Variants in GNB4 observed in about 807,000 individuals in gnomAD.
GNB4 encodes G protein subunit beta 4, also known as guanine nucleotide-binding protein subunit beta-4.
In GNB4, 28 loss-of-function variants were observed where a neutral mutation model predicts 45.2. The observed-to-expected ratio is 0.62, with a 90% CI of 0.46 to 0.85. GNB4 has a LOEUF of 0.85. GNB4 is among the 40% of genes least tolerant of loss of function. GNB4 has a pLI of 0.00. For synonymous variants in GNB4, 132 were observed against 143.7 expected, an observed-to-expected ratio of 0.92 and a Z score of 0.58; for missense variants, 321 against 425.4, an observed-to-expected ratio of 0.75 and a Z score of 2.16.
At chr3:179,489,622 C>G in the GNB4 span, among the ~76,000 whole-genome samples, 11 of 151,954 alleles carry the variant, frequency 7.2e-5, no homozygotes, top group African/African-American at 2.7e-4. Flanking sequence ...GCCTGGGTGA[C>G]AAAGTGAGAC....
chr3:179,405,362 G>A lies in GNB4; in HGVS notation c.744C>T (p.Ala248=), dbSNP rs1207477015. 1.2e-6 allele frequency: 2 copies of A among 1,613,868 alleles called. No individual in the cohort carries two copies. The highest frequency in any genetic ancestry group is 1.7e-6 in the Non-Finnish European group (2 of 1,179,816). Residue 248 remains alanine (A), a synonymous_variant, in exon 9 of 10, where the codon GCC becomes GCT. Coordinates refer to ENST00000232564, the MANE Select transcript of GNB4 (RefSeq NM_021629.4). The stretch of plus-strand genomic sequence containing the variant: ...CACGAAGGTCAAAGAGCCGGCAAGT[G>A]GCATCATCAGAGCCAGTGGCGAAGG... ...GYAFATGSDD[A]TCRLFDLRAD... is the part of the protein sequence containing the mutation.
At chr3:179,492,482 G>A in the GNB4 span, among the ~76,000 whole-genome samples, 12 of 152,132 alleles carry the variant, frequency 7.9e-5, no homozygotes, top group South Asian at 6.2e-4. Flanking sequence ...CCCAGGGCCC[G>A]AGCAGCCCTG....
chr3:179,472,421 G>T, the GNB4 span, among the ~76,000 whole-genome samples: 2 of 139,468 alleles, frequency 1.4e-5, no homozygotes, highest in African/African-American at 5.4e-5. Context: ...GTCCAGGCTG[G>T]AATGCAGTGG....
At position 179,426,246 on chromosome 3, in the gene GNB4, T is replaced by C; in HGVS notation, c.-42-4A>G. 1 of 1,400,000 alleles carries C rather than the reference T, an allele frequency of 7.1e-7. No homozygotes were observed. The highest frequency in any genetic ancestry group is 1.3e-5 in the South Asian group (1 of 79,020). The allele number at this position is 1,400,000 out of a possible 1,614,324, so 86.7% of individuals were successfully genotyped here. A position where few individuals can be genotyped will look rare whatever the true frequency, so the allele number is the denominator to read the frequency against. On this transcript the variant is annotated splice_polypyrimidine_tract_variant and splice_region_variant and intron_variant, in intron 1 of 9. Coordinates refer to ENST00000232564, the MANE Select transcript of GNB4 (RefSeq NM_021629.4). ...AGGAGCTAATGAGTGAAAACAGCTG[T>C]TAAAAAACAGAGAGCAAGAGAAAGA... is the stretch of plus-strand genomic sequence containing the variant.
the GNB4 span, among the ~76,000 whole-genome samples, chr3:179,469,859 A>G: frequency 1.3e-5 from 2 of 152,212 alleles, no homozygotes; most frequent in African/African-American, 2.4e-5. Context: ...TGGTTACAAG[A>G]AAGTTCTGAA....
At chr3:179,406,927 A>C (rs1053679276) in intron 8 of GNB4, among the ~76,000 whole-genome samples, 1 of 152,038 alleles carries the variant, frequency 6.6e-6, no homozygotes, top group Non-Finnish European at 1.5e-5. Flanking sequence ...TCTTTTAATT[A>C]CTTTTTAAAA....
chr3:179,475,030 A>C, the GNB4 span, among the ~76,000 whole-genome samples: 1 of 152,088 alleles, frequency 6.6e-6, no homozygotes, highest in East Asian at 1.9e-4. Context: ...TGTGTCATCC[A>C]ATGGCAGGAG....
the GNB4 span, among the ~76,000 whole-genome samples, chr3:179,521,086 A>G: frequency 6.6e-6 from 1 of 152,160 alleles, no homozygotes; most frequent in Non-Finnish European, 1.5e-5. Flanking sequence ...GCAAATTGAT[A>G]TTACTCACAT....
chr3:179,463,690 T>A, the GNB4 span, among the ~76,000 whole-genome samples: 1 of 152,226 alleles, frequency 6.6e-6, no homozygotes, highest in African/African-American at 2.4e-5. Flanking sequence ...TATAAACTAG[T>A]GAGGAGCTGC....
At chr3:179,407,894 C>T (rs1714522434) in intron 8 of GNB4, among the ~76,000 whole-genome samples, 1 of 152,078 alleles carries the variant, frequency 6.6e-6, no homozygotes, top group South Asian at 2.1e-4. Context: ...CCGGAAAAAC[C>T]TCGTAATTTC....
At chr3:179,507,471 T>C in the GNB4 span, among the ~76,000 whole-genome samples, 2 of 152,116 alleles carry the variant, frequency 1.3e-5, no homozygotes, top group South Asian at 4.1e-4. Flanking sequence ...TAGCATAGCA[T>C]GGTGAGTAGA....
the GNB4 span, among the ~76,000 whole-genome samples, chr3:179,484,817 A>AAC: frequency 3.6e-5 from 5 of 138,100 alleles, no homozygotes; most frequent in Non-Finnish European, 6.1e-5. Flanking sequence ...AACTATATCT[A>AAC]ATATATATAG....
rs62408904 is a variant in GNB4, at chr3:179,450,364, G to A, written c.-43+982C>T. On this transcript the variant is annotated intron_variant, in intron 1 of 9. Transcript: ENST00000232564. ...TAACTTCCCTCCCATCTTAAATTAA[G>A]TAGCGTGTGTTCTGTCTCTGTCCTA... 3.1e-3 allele frequency among the ~76,000 whole-genome samples: 476 copies of A among 152,274 alleles called. 2 individuals are homozygous for A. Among genetic ancestry groups the A allele is most frequent in the Non-Finnish European group, 5.1e-3 (348 of 68,016 alleles).
At chr3:179,420,136 T>C (rs1714933797) in intron 3 of GNB4, among the ~76,000 whole-genome samples, 1 of 146,546 alleles carries the variant, frequency 6.8e-6, no homozygotes, top group South Asian at 2.1e-4. Flanking sequence ...ATATATATAA[T>C]TTTTTTTTTT....
the GNB4 span, among the ~76,000 whole-genome samples, chr3:179,510,909 G>C: frequency 6.6e-6 from 1 of 152,134 alleles, no homozygotes; most frequent in Non-Finnish European, 1.5e-5. Context: ...CATGAGATAT[G>C]AATCTGGGCA....
At chr3:179,513,653 A>C in the GNB4 span, among the ~76,000 whole-genome samples, 1 of 152,160 alleles carries the variant, frequency 6.6e-6, no homozygotes, top group Non-Finnish European at 1.5e-5. Context: ...TCTTGTTCAC[A>C]TGGACAATGC....
At chr3:179,409,835 A>AC (rs1560211898) in intron 8 of GNB4, among the ~76,000 whole-genome samples, 2 of 140,260 alleles carry the variant, frequency 1.4e-5, no homozygotes, top group African/African-American at 6.3e-5. Flanking sequence ...AAACAAAACA[A>AC]AAAAAAAACT....
the GNB4 span, among the ~76,000 whole-genome samples, chr3:179,521,019 T>G: frequency 6.6e-6 from 1 of 152,162 alleles, no homozygotes; most frequent in Non-Finnish European, 1.5e-5. Context: ...CAGAGATTGT[T>G]CAGGCCCCCT....
chr3:179,435,201 AT>A (rs1489836806), intron 1 of GNB4, among the ~76,000 whole-genome samples: 3 of 152,188 alleles, frequency 2.0e-5, no homozygotes, highest in African/African-American at 7.2e-5. Flanking sequence ...TTCAAAGGGC[AT>A]CTTAAGACCT....
Sources: allele counts gnomAD v4.1 joint callset (sites outside exome capture counted in the v4.1 genomes callset), GRCh38; gene constraint gnomAD v4.1.1; transcripts MANE v1.5; gene names NCBI Gene and HGNC (gene_info 2026-07-23, HGNC 2026-07-21).